CAMTA1: variants seen among roughly 807,000 people sequenced by gnomAD.
CAMTA1 encodes calmodulin binding transcription activator 1, also known as calmodulin-binding transcription activator 1.
In CAMTA1, 27 loss-of-function variants were observed where a neutral mutation model predicts 170.9. The observed-to-expected ratio is 0.16, with a 90% CI of 0.12 to 0.22. The LOEUF is 0.22. Ranked by LOEUF, CAMTA1 falls within the 10% of genes least tolerant of loss-of-function variation. The pLI is 1.00. For missense variants in CAMTA1, 1,619 were observed against 2,217.2 expected, an observed-to-expected ratio of 0.73 and a Z score of 5.42; for synonymous variants, 833 against 891.5, an observed-to-expected ratio of 0.93 and a Z score of 1.17.
At chr1:7,192,303 T>A (rs1287466368) in intron 4 of CAMTA1, among the ~76,000 whole-genome samples, 1 of 152,228 alleles carries the variant, frequency 6.6e-6, no homozygotes, top group East Asian at 1.9e-4. Flanking sequence ...TGGTGTGCTA[T>A]GGCGTCTGAC....
chr1:7,645,934 T>G (rs1035102761), intron 7 of CAMTA1, among the ~76,000 whole-genome samples: 4 of 152,212 alleles, frequency 2.6e-5, no homozygotes, highest in Non-Finnish European at 5.9e-5. Flanking sequence ...CTCACCTCCA[T>G]GGCAGGTGGT....
intron 5 of CAMTA1, among the ~76,000 whole-genome samples, chr1:7,372,851 G>A (rs1012511095): frequency 9.2e-5 from 14 of 152,164 alleles, no homozygotes; most frequent in African/African-American, 2.7e-4. Flanking sequence ...AGAGCCGCCC[G>A]CATAGCCACC....
intron 3 of CAMTA1, among the ~76,000 whole-genome samples, chr1:6,958,857 G>A (rs965650711): frequency 3.9e-5 from 6 of 152,100 alleles, no homozygotes; most frequent in African/African-American, 1.2e-4. Flanking sequence ...TTTTTTAAGC[G>A]GATAGTAAAA....
In CAMTA1 at chr1:6,894,833, C is replaced by G. The variant is rs1422302343; in HGVS notation, c.234+69623C>G. 3.9e-5 allele frequency among the ~76,000 whole-genome samples: 6 copies of G among 152,188 alleles called. No homozygotes were observed. The East Asian group carries it at 1.2e-3, about 29-fold the overall frequency. ...CTTGCATTTACATAATTACTGCTAA[C>G]TAGCACAACATTTTAAATGGTGACA... On this transcript the variant is annotated intron_variant, in intron 3 of 22. Coordinates refer to ENST00000303635, the MANE Select transcript of CAMTA1 (RefSeq NM_015215.4).
chr1:7,110,466 G>A lies in CAMTA1; in HGVS notation c.302+19095G>A, dbSNP rs534727743. Among the ~76,000 whole-genome samples, 9 of 152,232 alleles carry A rather than the reference G, an allele frequency of 5.9e-5. No individual in the cohort carries two copies. In the East Asian group the frequency reaches 1.5e-3, roughly 26 times the overall value. On this transcript the variant is annotated intron_variant, in intron 4 of 22. Transcript: ENST00000303635. ...ATAGCTGAATTGCCCGAGCAGGCCGGGCCAGTCTGACCCAGTTCAGCTCCT... is the reference window on the plus strand; with the variant it reads ...ATAGCTGAATTGCCCGAGCAGGCCGAGCCAGTCTGACCCAGTTCAGCTCCT...
intron 22 of CAMTA1, among the ~76,000 whole-genome samples, chr1:7,758,028 C>T (rs1025904533): frequency 4.6e-5 from 7 of 152,278 alleles, no homozygotes; most frequent in African/African-American, 1.7e-4. Flanking sequence ...CTCTCACCCT[C>T]TGCATATATA....
At chr1:7,494,647 T>C (rs1326535109) in intron 6 of CAMTA1, among the ~76,000 whole-genome samples, 1 of 151,750 alleles carries the variant, frequency 6.6e-6, no homozygotes, top group African/African-American at 2.4e-5. Context: ...CTACTAAAAA[T>C]ACAAAAATTA....
chr1:6,908,832 G>A (rs1357215094), intron 3 of CAMTA1, among the ~76,000 whole-genome samples: 1 of 152,192 alleles, frequency 6.6e-6, no homozygotes, highest in Non-Finnish European at 1.5e-5. Flanking sequence ...GCCCCTGAAT[G>A]TGCAGTTCTC....
intron 7 of CAMTA1, among the ~76,000 whole-genome samples, chr1:7,645,669 C>T (rs55667171): frequency 6.6e-6 from 1 of 152,254 alleles, no homozygotes; most frequent in Non-Finnish European, 1.5e-5. Flanking sequence ...GGGTTTAGCT[C>T]CACCCTGCCT....
chr1:7,029,537 G>A (rs906373697), intron 3 of CAMTA1, among the ~76,000 whole-genome samples: 1 of 149,654 alleles, frequency 6.7e-6, no homozygotes, highest in African/African-American at 2.5e-5. Flanking sequence ...CTGGTCAGCT[G>A]CATTGAACAG....
intron 3 of CAMTA1, among the ~76,000 whole-genome samples, chr1:6,858,260 T>C (rs1030126580): frequency 6.6e-6 from 1 of 152,228 alleles, no homozygotes; most frequent in African/African-American, 2.4e-5. Context: ...ATTCATTTTG[T>C]TTACTGTATG....
intron 3 of CAMTA1, among the ~76,000 whole-genome samples, chr1:7,025,813 A>G (rs1162513839): frequency 6.6e-6 from 1 of 152,174 alleles, no homozygotes; most frequent in Non-Finnish European, 1.5e-5. Context: ...AAATCTAAGG[A>G]GTAATTAATA....
At chr1:7,198,648 C>T (rs902890523) in intron 4 of CAMTA1, among the ~76,000 whole-genome samples, 4 of 152,088 alleles carry the variant, frequency 2.6e-5, no homozygotes, top group African/African-American at 4.8e-5. Flanking sequence ...TGCTAAGAGG[C>T]GAGTGGCAGC....
At chr1:6,999,455 C>A (rs1697851517) in intron 3 of CAMTA1, among the ~76,000 whole-genome samples, 1 of 152,136 alleles carries the variant, frequency 6.6e-6, no homozygotes, top group African/African-American at 2.4e-5. Context: ...GCCATCTTGG[C>A]TCACTGCAAC....
intron 6 of CAMTA1, among the ~76,000 whole-genome samples, chr1:7,611,964 G>T (rs2095526847): frequency 6.6e-6 from 1 of 152,242 alleles, no homozygotes; most frequent in Non-Finnish European, 1.5e-5. Context: ...CCCACTGGGA[G>T]GGGGTGCACA....
intron 5 of CAMTA1, among the ~76,000 whole-genome samples, chr1:7,442,645 G>C (rs1043115143): frequency 6.6e-6 from 1 of 152,130 alleles, no homozygotes; most frequent in African/African-American, 2.4e-5. Flanking sequence ...TTTACTCAAC[G>C]CGTGACTTGG....
intron 3 of CAMTA1, among the ~76,000 whole-genome samples, chr1:7,004,752 A>G (rs1428066396): frequency 1.3e-5 from 2 of 151,980 alleles, no homozygotes; most frequent in African/African-American, 4.8e-5. Context: ...AATGTTTCCT[A>G]TTTTTAAATT....
At chr1:7,498,254 G>C (rs2093868803) in intron 6 of CAMTA1, among the ~76,000 whole-genome samples, 1 of 107,542 alleles carries the variant, frequency 9.3e-6, no homozygotes, top group Admixed American at 9.1e-5. Flanking sequence ...GTGTGGGAGA[G>C]TGTATGAGAG....
At chr1:6,902,086 A>T (rs1020345755) in intron 3 of CAMTA1, among the ~76,000 whole-genome samples, 1 of 136,920 alleles carries the variant, frequency 7.3e-6, no homozygotes, top group African/African-American at 2.8e-5. Flanking sequence ...AAAAAAAATA[A>T]AAATAAAAAC....
Sources: gnomAD v4.1 joint callset for allele counts (sites outside exome capture counted in the v4.1 genomes callset) on GRCh38, gnomAD v4.1.1 for gene constraint, MANE v1.5 for transcripts, NCBI Gene and HGNC (gene_info 2026-07-23, HGNC 2026-07-21) for gene names.